Variants in AKR1C1 observed in about 807,000 individuals in gnomAD.
AKR1C1 encodes the protein 20 alpha-hydroxysteroid dehydrogenase.
A neutral mutation model predicts 40.6 loss-of-function variants in AKR1C1; 32 were observed. That is an observed-to-expected ratio of 0.79 (90% CI 0.60 to 1.06). AKR1C1 has a LOEUF of 1.06. Ranked by LOEUF, AKR1C1 falls within the 50% of genes least tolerant of loss-of-function variation. The pLI is 0.00. For missense variants in AKR1C1, 320 were observed against 363.5 expected, an observed-to-expected ratio of 0.88 and a Z score of 0.97; for synonymous variants, 105 against 134.2, an observed-to-expected ratio of 0.78 and a Z score of 1.50.
Position 4,978,028 on chromosome 10 carries a change from G to C in AKR1C1, c.*286G>C. On this transcript the variant is annotated 3_prime_UTR_variant, in exon 9 of 9. Transcript: ENST00000380872. ...TGACACACTAGTGCCCCTAAATTGT[G>C]ATTTGCCTATACGTTTAGGGCCGGG... The C allele has an allele frequency of 2.2e-6, 1 of 462,186 alleles. No individual in the cohort carries two copies. The highest frequency in any genetic ancestry group is 4.5e-5 in the East Asian group (1 of 21,982). 28.6% of individuals were successfully genotyped at this position (462,186 alleles called of 1,614,324 possible). A position where few individuals can be genotyped will look rare whatever the true frequency, so the allele number is the denominator to read the frequency against.
chr10:4,968,163 A>T (rs1279113625), intron 3 of AKR1C1, 146 bp from the exon 4 acceptor site: 2 of 1,137,192 alleles, frequency 1.8e-6, no homozygotes, highest in Non-Finnish European at 2.5e-6. Context: ...ATACCTTCAT[A>T]TGTAGTACAC....
intron 1 of AKR1C1, chr10:4,965,447 A>AT (rs1836314637): frequency 6.6e-6 from 1 of 152,338 alleles, no homozygotes. Flanking sequence ...AATTTTTTCT[A>AT]TTTTTAGTAG....
Position 4,981,451 on chromosome 10 carries a change from A to C in AKR1C1, c.*3709A>C, listed in dbSNP as rs572491979. On this transcript the variant is annotated 3_prime_UTR_variant, in exon 9 of 9. Coordinates refer to ENST00000380872, the MANE Select transcript of AKR1C1 (RefSeq NM_001353.6). The stretch of plus-strand genomic sequence containing the variant: ...CTATGAGATCTCATCAAGAACTAAG[A>C]AAATGGAGAAAAGTACCAGATGGCA... The C allele has an allele frequency of 1.3e-5, 2 of 152,216 alleles. No individual in the cohort carries two copies. The highest frequency in any genetic ancestry group is 2.9e-5 in the Non-Finnish European group (2 of 68,038). 9.4% of individuals were successfully genotyped at this position (152,216 alleles called of 1,614,324 possible).
intron 2 of AKR1C1, among the ~76,000 whole-genome samples, 185 bp from the exon 3 acceptor site, chr10:4,966,732 CTAACTATATA>C (rs1836339461): frequency 6.6e-6 from 1 of 152,164 alleles, no homozygotes; most frequent in Non-Finnish European, 1.5e-5. Context: ...AATATATGTA[CTAACTATATA>C]TCCAACATAT....
At chr10:4,968,459 C>G (rs1269911103) in intron 4 of AKR1C1, 73 bp downstream of exon 4, 9 of 1,100,684 alleles carry the variant, frequency 8.2e-6, no homozygotes, top group Non-Finnish European at 1.2e-5. Context: ...CTTCTTAGTA[C>G]AAGTATGGAA....
At chr10:4,971,962 C>T (rs1206129670) in intron 5 of AKR1C1, among the ~76,000 whole-genome samples, 3 of 148,528 alleles carry the variant, frequency 2.0e-5, no homozygotes, top group African/African-American at 7.6e-5. Flanking sequence ...TTCTAGTGGT[C>T]GGAGTTATTG....
rs7100842 is a variant in AKR1C1, at chr10:4,978,518, A to G, written c.*776A>G. 103,881 of 151,040 alleles carry G rather than the reference A, an allele frequency of 0.69. 35,871 individuals are homozygous for G. Among genetic ancestry groups the G allele is most frequent in the East Asian group, 0.8 (4,099 of 5,114 alleles). The allele number at this position is 151,040 out of a possible 1,614,324, so 9.4% of individuals were successfully genotyped here. ...AATCTTTGATGTGTGCCCATTCACA[A>G]CGTTGACCCTATTGGTTTGTGGTGG... On this transcript the variant is annotated 3_prime_UTR_variant, in exon 9 of 9. Transcript: ENST00000380872.
At chr10:4,975,354 T>A (rs1554770350) in intron 7 of AKR1C1, among the ~76,000 whole-genome samples, 1 of 152,238 alleles carries the variant, frequency 6.6e-6, no homozygotes, top group East Asian at 1.9e-4. Context: ...CAAATTTACA[T>A]AGTGAGAGTA....
At position 4,967,135 on chromosome 10, in the gene AKR1C1, G is replaced by A. The variant is rs1181197004; in HGVS notation, c.369+92G>A. On this transcript the variant is annotated intron_variant, in intron 3 of 8. Coordinates refer to ENST00000380872, the MANE Select transcript of AKR1C1 (RefSeq NM_001353.6). ...ATTTGAACTAAGCATTTTCTTAGGAGGACATAGGGATTATAACATAGAAGA... is the reference window on the plus strand; with the variant it reads ...ATTTGAACTAAGCATTTTCTTAGGAAGACATAGGGATTATAACATAGAAGA... 6 of 1,309,738 alleles carry A rather than the reference G, an allele frequency of 4.6e-6. No individual in the cohort carries two copies. In the African/African-American group the frequency reaches 7.3e-5, roughly 16 times the overall value. The allele number at this position is 1,309,738 out of a possible 1,614,324, so 81.1% of individuals were successfully genotyped here.
intron 5 of AKR1C1, among the ~76,000 whole-genome samples, 158 bp downstream of exon 5, chr10:4,969,102 A>T (rs1836382738): frequency 6.6e-6 from 1 of 152,202 alleles, no homozygotes; most frequent in African/African-American, 2.4e-5. Context: ...TCTTACTTGT[A>T]CCCGGCTTAG....
At chr10:4,967,964 C>T (rs1271308328) in intron 3 of AKR1C1, 1 of 196,056 alleles carries the variant, frequency 5.1e-6, no homozygotes, top group Non-Finnish European at 1.0e-5. Flanking sequence ...AAAGTACAAT[C>T]CATTATATCT....
At chr10:4,977,165 A>G (rs1836538649) in intron 8 of AKR1C1, among the ~76,000 whole-genome samples, 3 of 152,240 alleles carry the variant, frequency 2.0e-5, no homozygotes, top group Non-Finnish European at 4.4e-5. Flanking sequence ...TGGTTTATAC[A>G]TTGTAGCTCT....
chr10:4,970,527 C>A (rs1836406647), intron 5 of AKR1C1, among the ~76,000 whole-genome samples: 1 of 151,944 alleles, frequency 6.6e-6, no homozygotes, highest in Non-Finnish European at 1.5e-5. Context: ...ACAGAATGCC[C>A]CACTAGTGGT....
At chr10:4,971,721 T>C (rs1836431696) in intron 5 of AKR1C1, among the ~76,000 whole-genome samples, 2 of 151,384 alleles carry the variant, frequency 1.3e-5, no homozygotes, top group South Asian at 2.1e-4. Context: ...AGTTCATCTA[T>C]ATAGATATAT....
chr10:4,979,610 G>GA lies in AKR1C1; in HGVS notation c.*1868_*1869insA, dbSNP rs1270268740. 2 of 151,680 alleles carry GA rather than the reference G, an allele frequency of 1.3e-5. No homozygotes were observed. The highest frequency in any genetic ancestry group is 2.9e-5 in the Non-Finnish European group (2 of 67,942). 9.4% of individuals were successfully genotyped at this position (151,680 alleles called of 1,614,324 possible). On this transcript the variant is annotated 3_prime_UTR_variant, in exon 9 of 9. Transcript: ENST00000380872. ...TTCATATTTCAAATCTCTTTAGCAA[G>GA]TGTAACTCTTTTTTCAAGATGTGAA...
chr10:4,980,715 A>T lies in AKR1C1; in HGVS notation c.*2973A>T, dbSNP rs1836602232. The T allele has an allele frequency of 6.6e-6, 1 of 151,692 alleles. No homozygotes were observed. Among genetic ancestry groups the T allele is most frequent in the South Asian group, 2.1e-4 (1 of 4,782 alleles). 9.4% of individuals were successfully genotyped at this position (151,692 alleles called of 1,614,324 possible). ...CTAGTTGTCTTGCTATTTCCACCAC[A>T]TCTGCAATTACTTTCTCCACTGAAA... On this transcript the variant is annotated 3_prime_UTR_variant, in exon 9 of 9. Coordinates refer to ENST00000380872, the MANE Select transcript of AKR1C1 (RefSeq NM_001353.6).
rs760597009 is a variant in AKR1C1, at chr10:4,968,944, G to A, written c.570G>A (p.Gln190=). The change falls in exon 5 of 9, where the codon CAG becomes CAA. Residue 190 remains glutamine, a splice_region_variant and synonymous_variant. Coordinates refer to ENST00000380872, the MANE Select transcript of AKR1C1 (RefSeq NM_001353.6). ...TCAAGTACAAGCCTGTCTGCAACCA[G>A]GTGAGCACCCTCAGCCTCCTCTCCT... ...PGLKYKPVCN[Q]VECHPYFNQR... The A allele has an allele frequency of 2.3e-5, 37 of 1,614,038 alleles. No homozygotes were observed. The Admixed American group carries it at 5.2e-4, about 23-fold the overall frequency.
rs1564315878 is a variant in AKR1C1, at chr10:4,968,816, T to A, written c.448-6T>A. 1 of 1,614,160 alleles carries A rather than the reference T, an allele frequency of 6.2e-7. No homozygotes were observed. Among genetic ancestry groups the A allele is most frequent in the Non-Finnish European group, 8.5e-7 (1 of 1,180,010 alleles). On this transcript the variant is annotated splice_region_variant and splice_polypyrimidine_tract_variant and intron_variant, in intron 4 of 8. Coordinates refer to ENST00000380872, the MANE Select transcript of AKR1C1 (RefSeq NM_001353.6). ...TCTTCCACACCTCACAATTCCTTTTTCCCAGGCCGTGGAGAAGTGTAAAGA... is the reference window on the plus strand; with the variant it reads ...TCTTCCACACCTCACAATTCCTTTTACCCAGGCCGTGGAGAAGTGTAAAGA...
chr10:4,973,964 AT>A (rs1267357318), intron 7 of AKR1C1, among the ~76,000 whole-genome samples: 2 of 151,298 alleles, frequency 1.3e-5, no homozygotes, highest in African/African-American at 4.8e-5. Flanking sequence ...TATGACATAT[AT>A]CATGTATATG....
Sources: gnomAD v4.1 joint callset for allele counts (sites outside exome capture counted in the v4.1 genomes callset) on GRCh38, gnomAD v4.1.1 for gene constraint, MANE v1.5 for transcripts, NCBI Gene and HGNC (gene_info 2026-07-23, HGNC 2026-07-21) for gene names.